MCPH1: variants seen among roughly 807,000 people sequenced by gnomAD.
MCPH1 encodes microcephalin 1, also known as microcephalin.
A neutral mutation model predicts 84.5 loss-of-function variants in MCPH1; 104 were observed. The observed-to-expected ratio is 1.23, with a 90% CI of 1.05 to 1.45. The LOEUF is 1.45. Ranked by LOEUF, MCPH1 falls within the 40% of genes most tolerant of loss-of-function variation. The probability of loss-of-function intolerance (pLI) is 0.00; values close to 1 mark genes in which losing one functional copy is unlikely to be tolerated. For synonymous variants in MCPH1, 514 were observed against 366.8 expected (o/e 1.40, Z -4.58); for missense variants, 1,498 against 1,005.7 (o/e 1.49, Z -6.62).
intron 12 of MCPH1, among the ~76,000 whole-genome samples, chr8:6,531,315 G>C (rs1432803459): frequency 7.0e-6 from 1 of 143,836 alleles, no homozygotes; most frequent in Non-Finnish European, 1.5e-5. Context: ...TTGAGTTGAA[G>C]TCTCACTCTG....
rs1246589049 is a variant in MCPH1, at chr8:6,409,134, C to A, written c.23-145C>A. The A allele has an allele frequency of 6.1e-5, 44 of 716,602 alleles. No homozygotes were observed. The Admixed American group carries it at 9.1e-4, about 15-fold the overall frequency. The allele number at this position is 716,602 out of a possible 1,614,324, so 44.4% of individuals were successfully genotyped here. On this transcript the variant is annotated intron_variant, in intron 1 of 13. Coordinates refer to ENST00000344683, the MANE Select transcript of MCPH1 (RefSeq NM_024596.5). The stretch of plus-strand genomic sequence containing the variant: ...ACCCCTGACTTCGTGGATCCACCCA[C>A]TTCCGCCTCCCACAGTGCTGGGATT...
In MCPH1 at chr8:6,521,850, T is replaced by G. The variant is rs140642670; in HGVS notation, c.2214+21921T>G. Among the ~76,000 whole-genome samples the G allele has an allele frequency of 3.2e-3, 488 of 152,332 alleles. 4 individuals are homozygous for G. Among genetic ancestry groups the G allele is most frequent in the African/African-American group, 0.011 (471 of 41,578 alleles). On this transcript the variant is annotated intron_variant, in intron 12 of 13. Transcript: ENST00000344683. ...CTCCTAAACTATTTATATTTTAATATTAATCCTAATGATAATAATAGCACT... is the reference window on the plus strand; with the variant it reads ...CTCCTAAACTATTTATATTTTAATAGTAATCCTAATGATAATAATAGCACT...
chr8:6,515,859 A>C (rs773417297), intron 12 of MCPH1, among the ~76,000 whole-genome samples: 1 of 152,178 alleles, frequency 6.6e-6, no homozygotes, highest in Non-Finnish European at 1.5e-5. Context: ...ACGAGTTAGA[A>C]TCCTAAAGAG....
chr8:6,439,244 AATCTTATGC>A (rs1368430971), intron 6 of MCPH1, 148 bp downstream of exon 6: 36 of 771,070 alleles, frequency 4.7e-5, no homozygotes, highest in Non-Finnish European at 6.8e-5. Flanking sequence ...TTTTCCAGAA[AATCTTATGC>A]ATCATTAAGA....
chr8:6,409,511 A>T, intron 2 of MCPH1, 141 bp downstream of exon 2: 1 of 706,838 alleles, frequency 1.4e-6, no homozygotes, highest in East Asian at 2.7e-5. Flanking sequence ...AAAGAGCCAA[A>T]GTGTGAAGAA....
chr8:6,515,653 A>C (rs1816124756), intron 12 of MCPH1, among the ~76,000 whole-genome samples: 1 of 152,254 alleles, frequency 6.6e-6, no homozygotes, highest in Non-Finnish European at 1.5e-5. Flanking sequence ...AGTTTTAAAT[A>C]ATAAAGATTA....
chr8:6,525,151 C>G (rs374523667), intron 12 of MCPH1, among the ~76,000 whole-genome samples: 9 of 152,346 alleles, frequency 5.9e-5, no homozygotes, highest in East Asian at 5.8e-4. Flanking sequence ...AAGGAACTGG[C>G]TACCCATTAC....
At chr8:6,505,008 T>C (rs1053361179) in intron 12 of MCPH1, among the ~76,000 whole-genome samples, 18 of 151,678 alleles carry the variant, frequency 1.2e-4, no homozygotes, top group African/African-American at 4.4e-4. Context: ...CTTATATTAA[T>C]TTTTAAAATA....
chr8:6,412,032 G>T (rs1292006672), intron 2 of MCPH1, among the ~76,000 whole-genome samples: 1 of 152,178 alleles, frequency 6.6e-6, no homozygotes, highest in Non-Finnish European at 1.5e-5. Context: ...GGTGGAGCAA[G>T]AGAGCTGCTG....
chr8:6,593,420 T>A (rs536264042), intron 12 of MCPH1, among the ~76,000 whole-genome samples: 2 of 151,928 alleles, frequency 1.3e-5, no homozygotes, highest in South Asian at 4.2e-4. Context: ...AATGGCGCGA[T>A]CTTGGCTCCC....
chr8:6,592,549 A>C (rs1008106590), intron 12 of MCPH1, among the ~76,000 whole-genome samples: 1 of 151,500 alleles, frequency 6.6e-6, no homozygotes, highest in Non-Finnish European at 1.5e-5. Context: ...CTCTCTCTCT[A>C]AAAGTAACTG....
At chr8:6,441,968 A>G (rs1047733060) in intron 6 of MCPH1, 99 bp from the exon 7 acceptor site, 8 of 809,218 alleles carry the variant, frequency 9.9e-6, no homozygotes, top group East Asian at 7.7e-5. Flanking sequence ...ATAGGATTTA[A>G]TAGAATCACC....
At position 6,436,130 on chromosome 8, in the gene MCPH1, C is replaced by A. The variant is rs760700224; in HGVS notation, c.404C>A (p.Ala135Asp). Residue 135 changes from alanine to aspartate, a missense_variant, in exon 5 of 14, where the codon GCT becomes GAT. By Grantham distance (126) the Ala-to-Asp change is moderately radical. Transcript: ENST00000344683. ...KRFQKKFEKM[A>D]KELQRQKTNL... ...TTTCAGAAGAAATTTGAGAAAATGG[C>A]TAAAGAGCTACAAAGGCAAAAAACA... 1 of 1,613,456 alleles carries A rather than the reference C, an allele frequency of 6.2e-7. No individual in the cohort carries two copies. The highest frequency in any genetic ancestry group is 8.5e-7 in the Non-Finnish European group (1 of 1,179,734).
intron 11 of MCPH1, among the ~76,000 whole-genome samples, chr8:6,486,755 A>C (rs1471805215): frequency 6.6e-6 from 1 of 152,176 alleles, no homozygotes; most frequent in Non-Finnish European, 1.5e-5. Context: ...CGAGCTTCCT[A>C]TTTATGGGAG....
chr8:6,611,177 A>G (rs997186415), intron 12 of MCPH1, among the ~76,000 whole-genome samples: 1 of 152,044 alleles, frequency 6.6e-6, no homozygotes, highest in Non-Finnish European at 1.5e-5. Flanking sequence ...CACCAAATGT[A>G]TGGGTTTTTT....
At chr8:6,478,601 G>A (rs1808780447) in intron 10 of MCPH1, among the ~76,000 whole-genome samples, 1 of 152,084 alleles carries the variant, frequency 6.6e-6, no homozygotes, top group Admixed American at 6.5e-5. Context: ...ATAAGACCTG[G>A]ACATTCTGAT....
intron 12 of MCPH1, among the ~76,000 whole-genome samples, chr8:6,558,695 G>A (rs1479369821): frequency 1.3e-5 from 2 of 152,084 alleles, no homozygotes; most frequent in East Asian, 1.9e-4. Context: ...CCATTTCCTA[G>A]TTCTAAACTC....
At chr8:6,528,036 C>A (rs796893061) in intron 12 of MCPH1, among the ~76,000 whole-genome samples, 72 of 151,614 alleles carry the variant, frequency 4.7e-4, no homozygotes, top group African/African-American at 1.6e-3. Context: ...GCTGGGATTA[C>A]AGGTGCGTAC....
At chr8:6,423,138 T>G (rs1214012114) in intron 3 of MCPH1, among the ~76,000 whole-genome samples, 1 of 150,018 alleles carries the variant, frequency 6.7e-6, no homozygotes, top group East Asian at 1.9e-4. Flanking sequence ...ACTTTTAAGG[T>G]CCTCAGAAGC....
Sources: allele counts gnomAD v4.1 joint callset (sites outside exome capture counted in the v4.1 genomes callset), GRCh38; gene constraint gnomAD v4.1.1; transcripts MANE v1.5; gene names NCBI Gene and HGNC (gene_info 2026-07-23, HGNC 2026-07-21).